The following SLC12A7 variants were observed in gnomAD, a reference collection of about 807,000 sequenced individuals.
SLC12A7 encodes solute carrier family 12 member 7.
SLC12A7 carries 100 observed loss-of-function variants against 120.6 expected under a neutral mutation model. The observed-to-expected ratio is 0.83, with a 90% CI of 0.71 to 0.98. The LOEUF (loss-of-function observed/expected upper bound fraction) is 0.98. SLC12A7 is among the 50% of genes least tolerant of loss of function. The probability of loss-of-function intolerance (pLI) is 0.00; values close to 1 mark genes in which losing one functional copy is unlikely to be tolerated. For synonymous variants in SLC12A7, 760 were observed against 678.0 expected (o/e 1.12, Z -1.88); for missense variants, 1,373 against 1,548.1 (o/e 0.89, Z 1.90).
the SLC12A7 span, among the ~76,000 whole-genome samples, chr5:1,148,238 G>T: frequency 8.5e-6 from 1 of 118,134 alleles, no homozygotes; most frequent in Non-Finnish European, 1.6e-5. Flanking sequence ...ATGGCGTCTC[G>T]CTCTGTCACC....
At chr5:1,058,542 C>T (rs957466119) in intron 21 of SLC12A7, among the ~76,000 whole-genome samples, 8 of 152,238 alleles carry the variant, frequency 5.3e-5, no homozygotes, top group Non-Finnish European at 1.2e-4. Context: ...TTGTGAGCCC[C>T]GGGGTGATTT....
At position 1,050,486 on chromosome 5, in the gene SLC12A7, G is replaced by A. The variant is rs773838413; in HGVS notation, c.*1874C>T. 2.0e-5 allele frequency: 4 copies of A among 203,220 alleles called. No homozygotes were observed. The highest frequency in any genetic ancestry group is 1.9e-4 in the South Asian group (1 of 5,256). 12.6% of individuals were successfully genotyped at this position (203,220 alleles called of 1,614,324 possible). On this transcript the variant is annotated 3_prime_UTR_variant, in exon 24 of 24. Transcript: ENST00000264930. ...AAATGGCTGTAGTTACTGGTTACACGGAGTTGACAACACAAAGGATGCCTG... is the reference window on the plus strand; with the variant it reads ...AAATGGCTGTAGTTACTGGTTACACAGAGTTGACAACACAAAGGATGCCTG...
the SLC12A7 span, among the ~76,000 whole-genome samples, chr5:1,125,509 CA>C: frequency 6.6e-6 from 1 of 152,088 alleles, no homozygotes; most frequent in Non-Finnish European, 1.5e-5. Context: ...AACTCCAAAA[CA>C]GTGGTTTTGG....
chr5:1,081,530 G>A, intron 9 of SLC12A7, 47 bp downstream of exon 9: 5 of 1,572,452 alleles, frequency 3.2e-6, no homozygotes, highest in Non-Finnish European at 4.3e-6. Context: ...TCAAAAAAGA[G>A]AGGGAGAGAA....
the SLC12A7 span, among the ~76,000 whole-genome samples, chr5:1,148,684 A>C: frequency 1.3e-3 from 203 of 152,338 alleles, 1 homozygote; most frequent in South Asian, 0.01. Context: ...TGGGTTTTGT[A>C]AAGTGGGTAC....
chr5:1,132,132 C>T, the SLC12A7 span, among the ~76,000 whole-genome samples: 73 of 152,190 alleles, frequency 4.8e-4, no homozygotes, highest in African/African-American at 1.4e-3. Flanking sequence ...AAAACCAAGG[C>T]GGCATGAAAG....
the SLC12A7 span, among the ~76,000 whole-genome samples, chr5:1,129,827 C>T: frequency 3.9e-5 from 6 of 152,162 alleles, no homozygotes; most frequent in South Asian, 2.1e-4. Flanking sequence ...ACTGCTGACC[C>T]GAAACCTGGT....
At chr5:1,110,350 C>G (rs1014838075) in intron 1 of SLC12A7, among the ~76,000 whole-genome samples, 1 of 152,230 alleles carries the variant, frequency 6.6e-6, no homozygotes, top group African/African-American at 2.4e-5. Context: ...CTGACACGCC[C>G]GTAGCAGGAC....
chr5:1,108,098 G>A (rs959660344), intron 1 of SLC12A7, among the ~76,000 whole-genome samples: 6 of 152,122 alleles, frequency 3.9e-5, no homozygotes, highest in Non-Finnish European at 5.9e-5. Context: ...GTATGCACAC[G>A]TGTGTACATA....
Position 1,095,065 on chromosome 5 carries a change from G to GCA in SLC12A7, c.125-818_125-817insTG, listed in dbSNP as rs1740986944. ...CGGTAGGAGGCGGGGCCGGTAGGAG[G>GCA]TGGGGCCCGTAGGAGGTGGTGAGGT... On this transcript the variant is annotated intron_variant, in intron 1 of 23. Coordinates refer to ENST00000264930, the MANE Select transcript of SLC12A7 (RefSeq NM_006598.3). Among the ~76,000 whole-genome samples the GCA allele has an allele frequency of 6.0e-5, 4 of 66,764 alleles. 1 individual carries two copies. Among genetic ancestry groups the GCA allele is most frequent in the South Asian group, 8.7e-4 (2 of 2,300 alleles). The allele number at this position is 66,764 out of a possible 152,430, so 43.8% of individuals were successfully genotyped here. A position where few individuals can be genotyped will look rare whatever the true frequency, so the allele number is the denominator to read the frequency against.
At chr5:1,107,375 G>A (rs1200438110) in intron 1 of SLC12A7, among the ~76,000 whole-genome samples, 1 of 152,208 alleles carries the variant, frequency 6.6e-6, no homozygotes, top group Non-Finnish European at 1.5e-5. Context: ...CCTGGGTCAG[G>A]TCCAGGGAGC....
At chr5:1,111,836 G>C in intron 1 of SLC12A7, 32 bp downstream of exon 1, 3 of 1,200,012 alleles carry the variant, frequency 2.5e-6, no homozygotes, top group Non-Finnish European at 3.1e-6. Context: ...GGGGCGCTCG[G>C]CCTTTGTCCG....
At chr5:1,148,195 TTC>T in the SLC12A7 span, among the ~76,000 whole-genome samples, 1 of 136,044 alleles carries the variant, frequency 7.4e-6, no homozygotes, top group Non-Finnish European at 1.5e-5. Flanking sequence ...TGATACTTTT[TTC>T]TTTCTTTCTT....
chr5:1,118,580 G>T, the SLC12A7 span, among the ~76,000 whole-genome samples: 1 of 152,254 alleles, frequency 6.6e-6, no homozygotes, highest in African/African-American at 2.4e-5. Flanking sequence ...CCGTCCTTGG[G>T]CGTGAAAGGT....
upstream of SLC12A7, among the ~76,000 whole-genome samples, chr5:1,116,699 A>G (rs906976998): frequency 6.6e-6 from 1 of 152,098 alleles, no homozygotes; most frequent in Non-Finnish European, 1.5e-5. Context: ...AACTCACATA[A>G]TGTTACTCAG....
the SLC12A7 span, among the ~76,000 whole-genome samples, chr5:1,123,008 C>T: frequency 2.0e-5 from 3 of 152,242 alleles, no homozygotes; most frequent in South Asian, 2.1e-4. Context: ...CTTCTGCCTA[C>T]GCTCCTCTGT....
chr5:1,087,194 C>T (rs1001162250), intron 5 of SLC12A7, among the ~76,000 whole-genome samples, 161 bp from the exon 6 acceptor site: 14 of 152,370 alleles, frequency 9.2e-5, no homozygotes, highest in South Asian at 2.1e-4. Flanking sequence ...GACGCTTCCA[C>T]GGTGAACTCT....
intron 1 of SLC12A7, among the ~76,000 whole-genome samples, chr5:1,099,953 T>A (rs1741847733): frequency 6.6e-6 from 1 of 152,096 alleles, no homozygotes; most frequent in African/African-American, 2.4e-5. Flanking sequence ...TGAGGGCGCA[T>A]GACCGTTACT....
rs1187222840 is a variant in SLC12A7 at position 1,063,875 on chromosome 5, C to T, written c.2708G>A (p.Arg903His). The T allele has an allele frequency of 3.1e-6, 5 of 1,589,116 alleles. No homozygotes were observed. Among genetic ancestry groups the T allele is most frequent in the South Asian group, 2.2e-5 (2 of 90,706 alleles). The change falls in exon 20 of 24, where the codon CGC (arginine) becomes CAC (histidine). Residue 903 changes from arginine to histidine, a missense_variant. By Grantham distance (29) the Arg-to-His change is conservative. Transcript: ENST00000264930. ...KDLQMFLYHL[R>H]ISAEVEVVEM... is the part of the protein sequence containing the mutation. ...CACCACCTCCACCTCGGCGCTGATGCGCAAGTGGTACAAGAACATCTGCAG... is the reference window on the plus strand; with the variant it reads ...CACCACCTCCACCTCGGCGCTGATGTGCAAGTGGTACAAGAACATCTGCAG...
Sources: allele counts gnomAD v4.1 joint callset (sites outside exome capture counted in the v4.1 genomes callset), GRCh38; gene constraint gnomAD v4.1.1; transcripts MANE v1.5; gene names NCBI Gene and HGNC (gene_info 2026-07-23, HGNC 2026-07-21).